Variants in CADM1 observed in about 807,000 individuals in gnomAD.
CADM1 encodes the protein TSLC-1.
In CADM1, 15 loss-of-function variants were observed where a neutral mutation model predicts 53.1. The ratio of observed to expected loss-of-function variants is 0.28; its 90% CI spans 0.19 to 0.44. The LOEUF (loss-of-function observed/expected upper bound fraction) is 0.44. CADM1 is among the 20% of genes least tolerant of loss of function. The probability of loss-of-function intolerance (pLI) is 1.00; values close to 1 mark genes in which losing one functional copy is unlikely to be tolerated. For synonymous variants in CADM1, 281 were observed against 243.0 expected, an observed-to-expected ratio of 1.16 and a Z score of -1.45; for missense variants, 434 against 611.3, an observed-to-expected ratio of 0.71 and a Z score of 3.06.
chr11:115,192,626 T>C (rs537166477), intron 9 of CADM1, among the ~76,000 whole-genome samples: 1 of 152,350 alleles, frequency 6.6e-6, no homozygotes, highest in South Asian at 2.1e-4. Flanking sequence ...GCCCAACAAA[T>C]ATCAAAGCGT....
rs768670591 is a variant in CADM1 at position 115,504,352 on chromosome 11, C to A, written c.43G>T (p.Ala15Ser). ...VLPSGSQCAA[A>S]AAAAAPPGLR... ...CCGGGAGGCGCCGCCGCCGCCGCTG[C>A]CGCCGCACACTGGGATCCGCTCGGC... The change falls in exon 1 of 12, where the codon GCA (alanine) becomes TCA (serine). Residue 15 changes from alanine to serine, a missense_variant. Coordinates refer to ENST00000331581, the MANE Select transcript of CADM1 (RefSeq NM_001301043.2). The A allele has an allele frequency of 3.9e-6, 6 of 1,548,770 alleles. No individual in the cohort carries two copies. The South Asian group carries it at 7.1e-5, about 18-fold the overall frequency.
rs570294317 is a variant in CADM1, at chr11:115,473,923, A to C, written c.124+30348T>G. ...CTACAGTCTATGAGAAAACGTATGC[A>C]AATCATATATCTCATGAAAGGCTTA... On this transcript the variant is annotated intron_variant, in intron 1 of 11. Coordinates refer to ENST00000331581, the MANE Select transcript of CADM1 (RefSeq NM_001301043.2). Among the ~76,000 whole-genome samples the C allele has an allele frequency of 1.1e-4, 17 of 152,312 alleles. No homozygotes were observed. In the Middle Eastern group the frequency reaches 0.017, roughly 152 times the overall value.
chr11:115,234,498 A>G (rs1348489180), intron 3 of CADM1, among the ~76,000 whole-genome samples: 1 of 152,216 alleles, frequency 6.6e-6, no homozygotes, highest in Non-Finnish European at 1.5e-5. Flanking sequence ...CTTCAGAGTG[A>G]GTCCTGAACC....
intron 1 of CADM1, among the ~76,000 whole-genome samples, chr11:115,442,729 A>G (rs1233528697): frequency 6.6e-6 from 1 of 152,204 alleles, no homozygotes; most frequent in Admixed American, 6.5e-5. Context: ...GAGCTTGACT[A>G]AAAGTAACTC....
intron 1 of CADM1, among the ~76,000 whole-genome samples, chr11:115,277,307 T>C (rs546679969): frequency 6.6e-6 from 1 of 152,326 alleles, no homozygotes; most frequent in South Asian, 2.1e-4. Context: ...TACACAGGGC[T>C]CACAGCTCCC....
intron 9 of CADM1, among the ~76,000 whole-genome samples, chr11:115,196,155 T>C (rs560753157): frequency 6.6e-6 from 1 of 152,286 alleles, no homozygotes; most frequent in Non-Finnish European, 1.5e-5. Flanking sequence ...CTCTATTACC[T>C]GCCACAGAAA....
At position 115,178,788 on chromosome 11, in the gene CADM1, G is replaced by C; in HGVS notation, c.1166-13C>G. On this transcript the variant is annotated splice_polypyrimidine_tract_variant and intron_variant, in intron 10 of 11. Transcript: ENST00000331581. Reference sequence around the variant, plus strand: ...CCTGCTCGGGAATCTGTTAAAATCAGAAGAGGAATAGGGATGTAGAGCTTA... The same window carrying C: ...CCTGCTCGGGAATCTGTTAAAATCACAAGAGGAATAGGGATGTAGAGCTTA... The C allele has an allele frequency of 1.2e-6, 2 of 1,613,830 alleles. No individual in the cohort carries two copies. The highest frequency in any genetic ancestry group is 1.7e-6 in the Non-Finnish European group (2 of 1,179,968).
intron 1 of CADM1, among the ~76,000 whole-genome samples, chr11:115,419,150 GT>G (rs776439686): frequency 6.6e-6 from 1 of 152,284 alleles, no homozygotes; most frequent in African/African-American, 2.4e-5. Flanking sequence ...CCACTTAGAA[GT>G]TTTTATACTT....
chr11:115,399,632 C>A (rs1457193332), intron 1 of CADM1: 1 of 152,142 alleles, frequency 6.6e-6, no homozygotes, highest in Non-Finnish European at 1.5e-5. Flanking sequence ...ATCCTGAGCA[C>A]CATAGTATAA....
intron 1 of CADM1, among the ~76,000 whole-genome samples, chr11:115,474,573 T>G (rs2135397984): frequency 6.6e-6 from 1 of 151,276 alleles, no homozygotes; most frequent in Middle Eastern, 3.4e-3. Context: ...CTGGAAACCA[T>G]CATTCTCAGC....
chr11:115,219,559 T>C (rs1941326270), intron 5 of CADM1, among the ~76,000 whole-genome samples: 2 of 152,164 alleles, frequency 1.3e-5, no homozygotes, highest in African/African-American at 2.4e-5. Flanking sequence ...GTTCTATTCT[T>C]GGACACGTTG....
chr11:115,387,985 C>A (rs1262512984), intron 1 of CADM1, among the ~76,000 whole-genome samples: 5 of 151,704 alleles, frequency 3.3e-5, no homozygotes, highest in African/African-American at 1.2e-4. Context: ...AGGGCTAGGG[C>A]AGGGAAAGGA....
intron 1 of CADM1, among the ~76,000 whole-genome samples, chr11:115,427,546 T>C (rs144971752): frequency 2.0e-5 from 3 of 152,202 alleles, no homozygotes; most frequent in Non-Finnish European, 2.9e-5. Flanking sequence ...GATAAGATGA[T>C]AGATATGGGG....
chr11:115,264,194 G>A (rs1214574828), intron 1 of CADM1, among the ~76,000 whole-genome samples: 1 of 152,082 alleles, frequency 6.6e-6, no homozygotes, highest in African/African-American at 2.4e-5. Context: ...TTAAGACCAA[G>A]GACACTCTCA....
chr11:115,465,259 C>T (rs761129694), intron 1 of CADM1, among the ~76,000 whole-genome samples: 1 of 151,998 alleles, frequency 6.6e-6, no homozygotes, highest in African/African-American at 2.4e-5. Flanking sequence ...AAGAGAAAAA[C>T]AAGATTACTG....
intron 8 of CADM1, among the ~76,000 whole-genome samples, chr11:115,202,198 AAT>A (rs1555039398): frequency 4.0e-5 from 6 of 151,660 alleles, no homozygotes; most frequent in African/African-American, 1.5e-4. Flanking sequence ...AAAAAAAAAA[AAT>A]AATACTGCAG....
intron 1 of CADM1, among the ~76,000 whole-genome samples, chr11:115,391,223 T>C (rs1036557741): frequency 3.3e-5 from 5 of 152,238 alleles, no homozygotes; most frequent in Non-Finnish European, 5.9e-5. Context: ...TTCATCAATT[T>C]AAATGAACAA....
intron 1 of CADM1, among the ~76,000 whole-genome samples, chr11:115,493,534 T>C (rs1185921269): frequency 6.6e-6 from 1 of 152,116 alleles, no homozygotes; most frequent in Non-Finnish European, 1.5e-5. Context: ...ACAAGATATG[T>C]ATACACAAGG....
chr11:115,265,005 T>G (rs6589491), intron 1 of CADM1, among the ~76,000 whole-genome samples: 80,364 of 151,930 alleles, frequency 0.53, 24,511 homozygotes, highest in East Asian at 0.87. Flanking sequence ...ACGCACACAC[T>G]CAAACCATTA....
Sources: gnomAD v4.1 joint callset for allele counts (sites outside exome capture counted in the v4.1 genomes callset) on GRCh38, gnomAD v4.1.1 for gene constraint, MANE v1.5 for transcripts, NCBI Gene and HGNC (gene_info 2026-07-23, HGNC 2026-07-21) for gene names.